The following GPHN variants were observed in gnomAD, a reference collection of about 807,000 sequenced individuals.
The protein encoded by GPHN is gephyrin.
GPHN carries 17 observed loss-of-function variants against 95.5 expected under a neutral mutation model. The observed-to-expected ratio is 0.18, with a 90% CI of 0.12 to 0.27. The LOEUF is 0.27. Among genes scored for constraint, GPHN ranks in the 10% least tolerant of loss-of-function variants. The pLI, the probability that GPHN is intolerant of heterozygous loss-of-function variation, is 1.00. For missense variants in GPHN, 660 were observed against 978.1 expected (o/e 0.67, Z 4.34); for synonymous variants, 320 against 322.5 (o/e 0.99, Z 0.08).
At chr14:67,645,054 A>C in the GPHN span, among the ~76,000 whole-genome samples, 15 of 151,818 alleles carry the variant, frequency 9.9e-5, no homozygotes, top group Non-Finnish European at 2.2e-4. Flanking sequence ...AACATGCAAT[A>C]CATCTTTTTA....
the GPHN span, among the ~76,000 whole-genome samples, chr14:67,432,298 G>A: frequency 6.6e-5 from 10 of 152,248 alleles, no homozygotes; most frequent in African/African-American, 2.4e-4. Flanking sequence ...CCAAGATTTA[G>A]ACCCTGGTGG....
chr14:66,583,987 T>C (rs2061316593), intron 1 of GPHN, among the ~76,000 whole-genome samples: 1 of 152,180 alleles, frequency 6.6e-6, no homozygotes, highest in South Asian at 2.1e-4. Flanking sequence ...AGTATGGCCA[T>C]TTTCACGATA....
the GPHN span, chr14:67,648,172 T>C: frequency 1.2e-6 from 2 of 1,613,706 alleles, no homozygotes; most frequent in African/African-American, 2.7e-5. Flanking sequence ...GCTGAGGAAA[T>C]ACACAATACA....
At chr14:67,277,577 T>G in the GPHN span, among the ~76,000 whole-genome samples, 1 of 152,062 alleles carries the variant, frequency 6.6e-6, no homozygotes, top group Non-Finnish European at 1.5e-5. Context: ...GGTTTATTAC[T>G]GTAAATATTA....
At chr14:67,675,778 C>T in the GPHN span, among the ~76,000 whole-genome samples, 1 of 151,928 alleles carries the variant, frequency 6.6e-6, no homozygotes, top group Non-Finnish European at 1.5e-5. Flanking sequence ...ATTACAAGGT[C>T]CCTTCTTGCA....
the GPHN span, chr14:67,690,780 T>A: frequency 1.3e-5 from 5 of 378,874 alleles, no homozygotes; most frequent in African/African-American, 4.1e-5. Flanking sequence ...GCCAGGAGTT[T>A]AAGTACAGCC....
At chr14:67,083,975 G>A (rs1008278638) in intron 11 of GPHN, among the ~76,000 whole-genome samples, 1 of 151,964 alleles carries the variant, frequency 6.6e-6, no homozygotes, top group Non-Finnish European at 1.5e-5. Flanking sequence ...CTCATTCATT[G>A]ACTCAGTCAT....
the GPHN span, among the ~76,000 whole-genome samples, chr14:67,495,888 A>C: frequency 6.6e-6 from 1 of 152,220 alleles, no homozygotes; most frequent in African/African-American, 2.4e-5. Flanking sequence ...CTGATCTCTC[A>C]GGCAGGCTTT....
chr14:66,537,876 G>A (rs2059199593), intron 1 of GPHN, among the ~76,000 whole-genome samples: 1 of 152,170 alleles, frequency 6.6e-6, no homozygotes, highest in Non-Finnish European at 1.5e-5. Context: ...TACTGAGGCT[G>A]GAGTGCAGTG....
intron 9 of GPHN, among the ~76,000 whole-genome samples, chr14:66,979,150 C>A (rs941274358): frequency 6.6e-6 from 1 of 152,200 alleles, no homozygotes; most frequent in Non-Finnish European, 1.5e-5. Flanking sequence ...CATAGTACTT[C>A]CAGAATGGTC....
At chr14:67,581,719 A>C in the GPHN span, 215 of 215,822 alleles carry the variant, frequency 1.0e-3, no homozygotes, top group Non-Finnish European at 1.8e-3. Context: ...CCATCCCTCC[A>C]TCTCAGTATG....
the GPHN span, among the ~76,000 whole-genome samples, chr14:67,707,693 C>T: frequency 6.6e-6 from 1 of 152,184 alleles, no homozygotes; most frequent in African/African-American, 2.4e-5. Flanking sequence ...TTTGATGAAA[C>T]TGTGTTCTGT....
the GPHN span, among the ~76,000 whole-genome samples, chr14:67,432,811 G>A: frequency 6.6e-6 from 1 of 152,012 alleles, no homozygotes; most frequent in African/African-American, 2.4e-5. Context: ...TGGGTTTGTA[G>A]GGGCATCACT....
At chr14:67,598,713 C>CTTT in the GPHN span, among the ~76,000 whole-genome samples, 79,583 of 144,172 alleles carry the variant, frequency 0.55, 22,226 homozygotes, top group Non-Finnish European at 0.58. Context: ...TATGAACAAA[C>CTTT]TTTTTTTTTT....
At chr14:66,740,509 T>C (rs776888782) in intron 2 of GPHN, among the ~76,000 whole-genome samples, 1 of 151,944 alleles carries the variant, frequency 6.6e-6, no homozygotes, top group African/African-American at 2.4e-5. Context: ...AGGCTCTTTG[T>C]ATTTCCCAGT....
chr14:67,130,351 C>T (rs1046099509), intron 17 of GPHN, among the ~76,000 whole-genome samples: 4 of 152,074 alleles, frequency 2.6e-5, no homozygotes, highest in African/African-American at 9.7e-5. Flanking sequence ...CTCCCACTTA[C>T]AAGTAAGAAC....
chr14:67,584,285 G>A, the GPHN span, among the ~76,000 whole-genome samples: 1 of 152,176 alleles, frequency 6.6e-6, no homozygotes, highest in African/African-American at 2.4e-5. Flanking sequence ...ACAGTCCAGA[G>A]CAGAATTGTG....
chr14:67,416,867 T>C, the GPHN span, among the ~76,000 whole-genome samples: 1 of 152,248 alleles, frequency 6.6e-6, no homozygotes, highest in African/African-American at 2.4e-5. Flanking sequence ...CTTCTCACAC[T>C]ATCTGTGGTG....
the GPHN span, chr14:67,349,226 G>C: frequency 5.2e-6 from 5 of 953,724 alleles, no homozygotes; most frequent in Non-Finnish European, 7.8e-6. Context: ...AGTATGTTTT[G>C]ATAACTGTCC....
Sources: allele counts gnomAD v4.1 joint callset (sites outside exome capture counted in the v4.1 genomes callset), GRCh38; gene constraint gnomAD v4.1.1; transcripts MANE v1.5; gene names NCBI Gene and HGNC (gene_info 2026-07-23, HGNC 2026-07-21).